The following DIAPH2 variants were observed in gnomAD, a reference collection of about 807,000 sequenced individuals.
DIAPH2 encodes the protein protein diaphanous homolog 2.
DIAPH2 carries 35 observed loss-of-function variants against 92.7 expected under a neutral mutation model. The observed-to-expected ratio is 0.38, with a 90% CI of 0.29 to 0.50. The LOEUF is 0.50. DIAPH2 is among the 20% of genes least tolerant of loss of function. DIAPH2 has a pLI of 0.94. For synonymous variants in DIAPH2, 301 were observed against 280.4 expected, an observed-to-expected ratio of 1.07 and a Z score of -0.73; for missense variants, 701 against 819.5, an observed-to-expected ratio of 0.86 and a Z score of 1.77.
intron 26 of DIAPH2, among the ~76,000 whole-genome samples, chrX:97,541,003 A>G (rs781561098): frequency 6.3e-5 from 7 of 111,642 alleles, no homozygotes; most frequent in Non-Finnish European, 1.3e-4. Flanking sequence ...TTGAGCTCTC[A>G]GGAGAGAGAA....
chrX:96,907,452 A>C (rs191091090), intron 5 of DIAPH2, among the ~76,000 whole-genome samples: 2 of 112,471 alleles, frequency 1.8e-5, no homozygotes, highest in Admixed American at 9.4e-5. Flanking sequence ...TAGATGTTAT[A>C]GAAAATTGTG....
intron 26 of DIAPH2, among the ~76,000 whole-genome samples, chrX:97,575,112 G>GTAA (rs2071393088): frequency 8.8e-6 from 1 of 113,012 alleles, no homozygotes; most frequent in East Asian, 2.8e-4. Context: ...GATAGCTGTA[G>GTAA]TAATTTTATT....
chrX:96,872,045 ATAG>A (rs1306057195), intron 4 of DIAPH2, among the ~76,000 whole-genome samples: 3 of 111,956 alleles, frequency 2.7e-5, no homozygotes, highest in Non-Finnish European at 5.6e-5. Context: ...TTATGGGTAC[ATAG>A]TAGGTGTATA....
chrX:97,205,718 A>C (rs2067790744), intron 22 of DIAPH2, among the ~76,000 whole-genome samples: 1 of 111,736 alleles, frequency 8.9e-6, no homozygotes, highest in Non-Finnish European at 1.9e-5. Flanking sequence ...AGTGTAAATT[A>C]GTTCAACCAT....
At chrX:97,247,884 ATGTC>A in intron 23 of DIAPH2, 45 bp downstream of exon 23, 1 of 1,135,822 alleles carries the variant, frequency 8.8e-7, no homozygotes, top group African/African-American at 1.8e-5. Flanking sequence ...TTTAGTCTCT[ATGTC>A]TGTCTGTTTA....
chrX:97,176,054 G>C (rs1307413054), intron 22 of DIAPH2, among the ~76,000 whole-genome samples: 1 of 111,911 alleles, frequency 8.9e-6, no homozygotes, highest in Non-Finnish European at 1.9e-5. Context: ...CCTATGAATT[G>C]CCTGTGCTCC....
At chrX:96,844,981 A>G (rs978218928) in intron 4 of DIAPH2, among the ~76,000 whole-genome samples, 2 of 112,281 alleles carry the variant, frequency 1.8e-5, no homozygotes, top group Non-Finnish European at 3.8e-5. Flanking sequence ...TAAGGAAAAT[A>G]CATTTCTTCT....
At chrX:97,370,469 C>G (rs911784190) in intron 24 of DIAPH2, among the ~76,000 whole-genome samples, 1 of 111,968 alleles carries the variant, frequency 8.9e-6, no homozygotes, top group South Asian at 3.7e-4. Flanking sequence ...TGGAACAGTA[C>G]AGTACTAACC....
intron 26 of DIAPH2, among the ~76,000 whole-genome samples, chrX:97,468,697 GCA>G (rs2070536397): frequency 9.1e-6 from 1 of 109,329 alleles, no homozygotes; most frequent in African/African-American, 3.3e-5. Flanking sequence ...GTTTGGAGGT[GCA>G]CCGTTTATTA....
chrX:96,791,393 T>C (rs1483142413), intron 4 of DIAPH2, among the ~76,000 whole-genome samples: 1 of 111,477 alleles, frequency 9.0e-6, no homozygotes, highest in Non-Finnish European at 1.9e-5. Context: ...GGAAGGCAAT[T>C]AATCATTGAA....
At chrX:97,308,903 C>T (rs1236157785) in intron 23 of DIAPH2, among the ~76,000 whole-genome samples, 3 of 103,764 alleles carry the variant, frequency 2.9e-5, no homozygotes, top group Non-Finnish European at 3.9e-5. Flanking sequence ...CCTGTAACCC[C>T]AGCTACTTGG....
At chrX:96,771,731 A>G (rs1165970224) in intron 4 of DIAPH2, among the ~76,000 whole-genome samples, 1 of 111,312 alleles carries the variant, frequency 9.0e-6, no homozygotes, top group Non-Finnish European at 1.9e-5. Flanking sequence ...TCAGATTACA[A>G]TCAATGTTTA....
rs867840860 is a variant in DIAPH2 at position 96,894,965 on chromosome X, T to A, written c.587+13247T>A. On this transcript the variant is annotated intron_variant, in intron 5 of 26. Coordinates refer to ENST00000324765, the MANE Select transcript of DIAPH2 (RefSeq NM_006729.5). ...GGAAAAAATCGCATATACAGATTAG[T>A]TTTTCTTAATTTTTTTTTTTTTTTT... Among the ~76,000 whole-genome samples, 203 of 99,556 alleles carry A rather than the reference T, an allele frequency of 2.0e-3. 1 individual carries two copies. The highest frequency in any genetic ancestry group is 0.01 in the Middle Eastern group (2 of 194). The allele number at this position is 99,556 out of a possible 115,157, so 86.5% of individuals were successfully genotyped here.
At chrX:97,218,700 C>A (rs1398064465) in intron 22 of DIAPH2, among the ~76,000 whole-genome samples, 2 of 111,073 alleles carry the variant, frequency 1.8e-5, no homozygotes, top group Non-Finnish European at 3.8e-5. Context: ...ATGCTCAAGT[C>A]CTGATATAAA....
At chrX:97,133,696 T>C (rs778853389) in intron 21 of DIAPH2, among the ~76,000 whole-genome samples, 34 of 112,332 alleles carry the variant, frequency 3.0e-4, no homozygotes, top group Admixed American at 2.7e-3. Flanking sequence ...CATATGAACC[T>C]AGCCCCATTC....
intron 26 of DIAPH2, among the ~76,000 whole-genome samples, chrX:97,507,150 A>G (rs1401914537): frequency 1.0e-5 from 1 of 97,785 alleles, no homozygotes; most frequent in African/African-American, 3.5e-5. Flanking sequence ...ACAAAAAAAA[A>G]AAAAAAAAAA....
At chrX:96,731,840 G>T (rs1358622881) in intron 1 of DIAPH2, among the ~76,000 whole-genome samples, 1 of 111,475 alleles carries the variant, frequency 9.0e-6, no homozygotes, top group Non-Finnish European at 1.9e-5. Flanking sequence ...CAGTCTTATT[G>T]CTTTTCCAGA....
chrX:96,980,033 C>T (rs1199156570), intron 17 of DIAPH2, among the ~76,000 whole-genome samples: 1 of 110,749 alleles, frequency 9.0e-6, no homozygotes, highest in Non-Finnish European at 1.9e-5. Context: ...GGGGAGTACC[C>T]ACAACCCCCG....
chrX:96,851,734 C>T (rs1305654258), intron 4 of DIAPH2, among the ~76,000 whole-genome samples: 2 of 111,660 alleles, frequency 1.8e-5, no homozygotes, highest in African/African-American at 3.3e-5. Flanking sequence ...AACCCACAGC[C>T]GCAGAGGGCT....
Sources: allele counts gnomAD v4.1 joint callset (sites outside exome capture counted in the v4.1 genomes callset), GRCh38; gene constraint gnomAD v4.1.1; transcripts MANE v1.5; gene names NCBI Gene and HGNC (gene_info 2026-07-23, HGNC 2026-07-21).